Variants in RELN observed in about 807,000 individuals in gnomAD.
The protein encoded by RELN is reelin.
Under a neutral mutation model 427.6 loss-of-function variants are expected in RELN, and 108 were observed. That is an observed-to-expected ratio of 0.25 (90% confidence interval 0.22 to 0.30). The LOEUF is 0.30. Ranked by LOEUF, RELN falls within the 10% of genes least tolerant of loss-of-function variation. The pLI, the probability that RELN is intolerant of heterozygous loss-of-function variation, is 1.00. For missense variants in RELN, 3,715 were observed against 4,302.8 expected (o/e 0.86, Z 3.82); for synonymous variants, 1,524 against 1,513.4 (o/e 1.01, Z -0.16).
chr7:103,861,474 A>G (rs1005584064), intron 2 of RELN, among the ~76,000 whole-genome samples: 1 of 152,148 alleles, frequency 6.6e-6, no homozygotes, highest in South Asian at 2.1e-4. Context: ...TAATAGGTAT[A>G]TTTTAGAGAG....
chr7:103,524,130 A>T (rs1008641750), intron 46 of RELN, among the ~76,000 whole-genome samples: 8 of 152,238 alleles, frequency 5.3e-5, no homozygotes, highest in African/African-American at 1.9e-4. Flanking sequence ...TAAAACTGGA[A>T]GCCTCAGGGG....
chr7:103,582,795 T>C (rs1831183520), intron 28 of RELN, among the ~76,000 whole-genome samples: 1 of 152,228 alleles, frequency 6.6e-6, no homozygotes, highest in Non-Finnish European at 1.5e-5. Context: ...CTATAGATTG[T>C]TAAGCTTTTA....
intron 10 of RELN, 63 bp from the exon 11 acceptor site, chr7:103,682,324 C>T: frequency 6.4e-7 from 1 of 1,567,402 alleles, no homozygotes; most frequent in Non-Finnish European, 8.8e-7. Context: ...ATCTGTCTTA[C>T]TCATGTATAA....
chr7:103,506,681 TA>T (rs1267019275), intron 51 of RELN, among the ~76,000 whole-genome samples: 1 of 152,158 alleles, frequency 6.6e-6, no homozygotes, highest in Non-Finnish European at 1.5e-5. Flanking sequence ...GCTAGCATCA[TA>T]ATGACAGGAT....
chr7:103,589,523 A>G, intron 28 of RELN, 73 bp downstream of exon 28: 1 of 988,056 alleles, frequency 1.0e-6, no homozygotes, highest in Non-Finnish European at 1.6e-6. Flanking sequence ...TCAGGATTAC[A>G]ACATTTAGGG....
chr7:103,600,298 G>A (rs1470283652), intron 24 of RELN, among the ~76,000 whole-genome samples: 1 of 152,144 alleles, frequency 6.6e-6, no homozygotes, highest in Non-Finnish European at 1.5e-5. Context: ...CTTGCTGGTG[G>A]GGGCTGCCAG....
chr7:103,545,153 T>C lies in RELN; in HGVS notation c.6494A>G (p.Asn2165Ser), dbSNP rs2117139648. 6.2e-7 allele frequency: 1 copy of C among 1,613,742 alleles called. No homozygotes were observed. The highest frequency in any genetic ancestry group is 8.5e-7 in the Non-Finnish European group (1 of 1,179,872). Residue 2165 changes from asparagine (N) to serine (S), a missense_variant, in exon 42 of 65, where the codon AAT becomes AGT. Asn to Ser is a conservative substitution (Grantham distance 46, BLOSUM62 1). Transcript: ENST00000428762. ...GAAATCATCTTTGAGAAAATCAGGA[T>C]TTTTGGTGCTTATTTTACAGGTTGG... is the stretch of plus-strand genomic sequence containing the variant. ...SGPTCKISTK[N>S]PDFLKDDFEG...
At chr7:103,584,732 A>G (rs905238781) in intron 28 of RELN, among the ~76,000 whole-genome samples, 2 of 152,360 alleles carry the variant, frequency 1.3e-5, no homozygotes, top group African/African-American at 4.8e-5. Flanking sequence ...CATTTAAAGA[A>G]CATTACACCC....
intron 1 of RELN, among the ~76,000 whole-genome samples, chr7:103,981,099 A>G (rs1214407736): frequency 6.6e-6 from 1 of 152,228 alleles, no homozygotes; most frequent in Non-Finnish European, 1.5e-5. Context: ...TGTAATAAGC[A>G]AAAGGAATGA....
At chr7:103,940,086 A>T (rs1796079130) in intron 1 of RELN, among the ~76,000 whole-genome samples, 1 of 152,184 alleles carries the variant, frequency 6.6e-6, no homozygotes, top group South Asian at 2.1e-4. Flanking sequence ...TTATACATAT[A>T]CCCAGTCCAA....
intron 36 of RELN, among the ~76,000 whole-genome samples, chr7:103,558,366 A>G (rs1830570544): frequency 6.6e-6 from 1 of 152,160 alleles, no homozygotes; most frequent in Non-Finnish European, 1.5e-5. Context: ...GCCTCCTTTG[A>G]TCACAGCATG....
chr7:103,754,907 T>G (rs1253872093), intron 4 of RELN, among the ~76,000 whole-genome samples: 2 of 152,124 alleles, frequency 1.3e-5, no homozygotes, highest in Admixed American at 6.5e-5. Context: ...AAAAAGAGTT[T>G]TAAGAGCTAA....
At chr7:103,703,543 G>T (rs1202595948) in intron 8 of RELN, among the ~76,000 whole-genome samples, 1 of 152,178 alleles carries the variant, frequency 6.6e-6, no homozygotes, top group African/African-American at 2.4e-5. Context: ...TTCTTAGGGA[G>T]TGAGGAGGGA....
intron 16 of RELN, among the ~76,000 whole-genome samples, chr7:103,642,134 A>T (rs1263760210): frequency 4.6e-5 from 7 of 152,132 alleles, no homozygotes; most frequent in African/African-American, 1.2e-4. Context: ...AAAAATTTTT[A>T]AAATGACAAG....
intron 3 of RELN, 79 bp from the exon 4 acceptor site, chr7:103,776,706 G>C (rs1791751979): frequency 2.2e-6 from 3 of 1,392,716 alleles, no homozygotes; most frequent in Admixed American, 3.5e-5. Flanking sequence ...TTTTTAAAAA[G>C]CTTATTCTTA....
intron 3 of RELN, among the ~76,000 whole-genome samples, chr7:103,805,581 C>T (rs1354167597): frequency 1.3e-5 from 2 of 152,184 alleles, no homozygotes; most frequent in African/African-American, 4.8e-5. Flanking sequence ...CCTCCTGAAT[C>T]CTCCAGCCAA....
intron 1 of RELN, among the ~76,000 whole-genome samples, chr7:103,949,535 C>T (rs1796292142): frequency 6.6e-6 from 1 of 151,398 alleles, no homozygotes. Context: ...CTCTCTCTTC[C>T]CCGCCCCCCA....
intron 31 of RELN, 88 bp downstream of exon 31, chr7:103,572,096 G>C: frequency 3.8e-6 from 3 of 788,198 alleles, no homozygotes; most frequent in Non-Finnish European, 6.9e-6. Context: ...TAATGTATCA[G>C]TTTTCAAAAT....
chr7:103,660,339 G>A (rs975632584), intron 12 of RELN, among the ~76,000 whole-genome samples: 2 of 152,140 alleles, frequency 1.3e-5, no homozygotes, highest in Admixed American at 1.3e-4. Context: ...CCTTTAAATA[G>A]ACAAACCAGT....
Sources: allele counts gnomAD v4.1 joint callset (sites outside exome capture counted in the v4.1 genomes callset), GRCh38; gene constraint gnomAD v4.1.1; transcripts MANE v1.5; gene names NCBI Gene and HGNC (gene_info 2026-07-23, HGNC 2026-07-21).